Variants in MDH1 observed in about 807,000 individuals in gnomAD.
MDH1 encodes the protein malate dehydrogenase, cytoplasmic.
MDH1 carries 15 observed loss-of-function variants against 38.7 expected under a neutral mutation model. The ratio of observed to expected loss-of-function variants is 0.39; its 90% CI spans 0.26 to 0.60. The LOEUF (loss-of-function observed/expected upper bound fraction) is 0.60, where lower values mean the gene tolerates loss of function less well. MDH1 is among the 20% of genes least tolerant of loss of function. The pLI, the probability that MDH1 is intolerant of heterozygous loss-of-function variation, is 0.56. For synonymous variants in MDH1, 144 were observed against 143.6 expected, an observed-to-expected ratio of 1.00 and a Z score of -0.02; for missense variants, 368 against 405.2, an observed-to-expected ratio of 0.91 and a Z score of 0.79.
chr2:63,592,538 G>T (rs1044584260), intron 1 of MDH1, among the ~76,000 whole-genome samples: 1 of 152,080 alleles, frequency 6.6e-6, no homozygotes, highest in Non-Finnish European at 1.5e-5. Context: ...AAGAGACAGG[G>T]TTTCACTATG....
chr2:63,596,755 T>G (rs1709320287), intron 3 of MDH1, among the ~76,000 whole-genome samples: 1 of 152,194 alleles, frequency 6.6e-6, no homozygotes, highest in Non-Finnish European at 1.5e-5. Flanking sequence ...TGCGATGACT[T>G]ATGTTCTTTA....
At chr2:63,598,893 T>G (rs1314182223) in intron 4 of MDH1, among the ~76,000 whole-genome samples, 1 of 127,480 alleles carries the variant, frequency 7.8e-6, no homozygotes, top group Non-Finnish European at 1.6e-5. Context: ...TCAAAAGAGG[T>G]ACCAAAAAAA....
chr2:63,604,850 G>A lies in MDH1; in HGVS notation c.653G>A (p.Trp218Ter). The A allele has an allele frequency of 6.2e-7, 1 of 1,614,132 alleles. No individual in the cohort carries two copies. The highest frequency in any genetic ancestry group is 8.5e-7 in the Non-Finnish European group (1 of 1,180,032). The part of the protein sequence containing the change: ...GVYEALKDDS[W>*]LKGEFVTTVQ... The stretch of plus-strand genomic sequence containing the variant: ...TATGAAGCTCTGAAAGATGACAGCT[G>A]GCTCAAGGGAGAATTTGTCACGGTA... The change falls in exon 6 of 9, where the codon TGG becomes TAG. Residue 218 changes from tryptophan to a stop codon, truncating the protein, a stop_gained. Transcript: ENST00000233114. LOFTEE classifies it high-confidence loss of function.
chr2:63,595,626 A>G, intron 3 of MDH1, 107 bp downstream of exon 3: 1 of 692,172 alleles, frequency 1.4e-6, no homozygotes, highest in East Asian at 2.7e-5. Context: ...TCATAAGAGG[A>G]TTTTTTTATT....
At chr2:63,590,208 C>G (rs897697273) in intron 1 of MDH1, 5 of 152,242 alleles carry the variant, frequency 3.3e-5, no homozygotes, top group African/African-American at 1.2e-4. Flanking sequence ...ATCTGATAAC[C>G]TTGGACTTTT....
rs1308844673 is a variant in MDH1, at chr2:63,599,257, T to C, written c.463T>C (p.Leu155=). The change falls in exon 5 of 9, where the codon TTG becomes CTG. Residue 155 remains leucine, a synonymous_variant. Transcript: ENST00000233114. The stretch of plus-strand genomic sequence containing the variant: ...CATCCCCAAGGAGAACTTCAGTTGC[T>C]TGACTCGTTTGGATCACAACCGAGC... The part of the protein sequence containing the change: ...PSIPKENFSC[L]TRLDHNRAKA... 1 of 1,613,700 alleles carries C rather than the reference T, an allele frequency of 6.2e-7. No homozygotes were observed. Among genetic ancestry groups the C allele is most frequent in the East Asian group, 2.2e-5 (1 of 44,854 alleles).
intron 1 of MDH1, chr2:63,589,265 C>CTG (rs1709097546): frequency 6.4e-7 from 1 of 1,551,438 alleles, no homozygotes; most frequent in South Asian, 1.2e-5. Context: ...TAGGAGGACT[C>CTG]TGGAGAAGTA....
chr2:63,590,657 T>C (rs992521413), intron 1 of MDH1: 2 of 152,192 alleles, frequency 1.3e-5, no homozygotes, highest in African/African-American at 4.8e-5. Flanking sequence ...GGTCAGATAA[T>C]TTTCCCAAGG....
chr2:63,606,682 G>T (rs1320456423), intron 8 of MDH1, among the ~76,000 whole-genome samples, 180 bp from the exon 9 acceptor site: 1 of 151,614 alleles, frequency 6.6e-6, no homozygotes, highest in Non-Finnish European at 1.5e-5. Flanking sequence ...GATTCAAGGG[G>T]TTTAAAATTC....
At chr2:63,602,303 T>G (rs1709433814) in intron 5 of MDH1, among the ~76,000 whole-genome samples, 1 of 151,376 alleles carries the variant, frequency 6.6e-6, no homozygotes, top group Admixed American at 6.6e-5. Flanking sequence ...TTTTAGGTAA[T>G]GGCCTTTTTT....
In MDH1 at chr2:63,606,926, T is replaced by G. The variant is rs770271137; in HGVS notation, c.944T>G (p.Leu315Arg). 11 of 1,613,062 alleles carry G rather than the reference T, an allele frequency of 6.8e-6. No homozygotes were observed. The highest frequency in any genetic ancestry group is 9.3e-6 in the Non-Finnish European group (11 of 1,179,278). Residue 315 changes from leucine (L) to arginine (R), a missense_variant, in exon 9 of 9, where the codon CTT (leucine) becomes CGT (arginine). Leu to Arg is a moderately radical substitution (Grantham distance 102). Coordinates refer to ENST00000233114, the MANE Select transcript of MDH1 (RefSeq NM_005917.4). Reference sequence around the variant, plus strand: ...GATTTCTCACGTGAGAAGATGGATCTTACTGCAAAGGAACTGACAGAAGAA... The same window carrying G: ...GATTTCTCACGTGAGAAGATGGATCGTACTGCAAAGGAACTGACAGAAGAA... The part of the protein sequence containing the change: ...INDFSREKMD[L>R]TAKELTEEKE...
At chr2:63,594,649 T>C in intron 2 of MDH1, 63 bp downstream of exon 2, 2 of 1,155,434 alleles carry the variant, frequency 1.7e-6, no homozygotes, top group Non-Finnish European at 2.6e-6. Flanking sequence ...TAAAAATCTG[T>C]ATTTAGTTGT....
chr2:63,589,586 C>T (rs1709117922), intron 1 of MDH1, among the ~76,000 whole-genome samples: 1 of 152,152 alleles, frequency 6.6e-6, no homozygotes, highest in African/African-American at 2.4e-5. Flanking sequence ...ATTTGGAACC[C>T]GTTCATTGAC....
intron 1 of MDH1, 151 bp downstream of exon 1, chr2:63,589,197 G>A: frequency 6.3e-7 from 1 of 1,594,964 alleles, no homozygotes. Flanking sequence ...GGGGATTGCC[G>A]CAGTGACCCA....
At position 63,589,030 on chromosome 2, in the gene MDH1, C is replaced by A; in HGVS notation, c.-14C>A. ...ATTTTGCAGTTGTTGAAATTGTCCC[C>A]GCAGTTTTCAATCATGGTGAGTGTG... is the stretch of plus-strand genomic sequence containing the variant. On this transcript the variant is annotated 5_prime_UTR_variant, in exon 1 of 9. Transcript: ENST00000233114. 1 of 1,614,216 alleles carries A rather than the reference C, an allele frequency of 6.2e-7. No individual in the cohort carries two copies. Among genetic ancestry groups the A allele is most frequent in the South Asian group, 1.1e-5 (1 of 91,078 alleles).
At chr2:63,605,755 C>T (rs1282476242) in intron 7 of MDH1, 184 bp from the exon 8 acceptor site, 4 of 616,370 alleles carry the variant, frequency 6.5e-6, no homozygotes, top group South Asian at 2.0e-5. Flanking sequence ...GATATGGAAG[C>T]GTGGAATGAA....
rs1709546754 is a variant in MDH1 at position 63,607,024 on chromosome 2, G to C, written c.*37G>C. 6.3e-7 allele frequency: 1 copy of C among 1,576,214 alleles called. No individual in the cohort carries two copies. The highest frequency in any genetic ancestry group is 2.3e-5 in the East Asian group (1 of 43,964). On this transcript the variant is annotated 3_prime_UTR_variant, in exon 9 of 9. Transcript: ENST00000233114. ...TGTTACTAAATGCTTCAAAGCTGAA[G>C]AATCTAAATGTCGTCTTTGACTCAA...
chr2:63,589,225 AT>A, intron 1 of MDH1, 179 bp downstream of exon 1: 1 of 1,566,256 alleles, frequency 6.4e-7, no homozygotes. Flanking sequence ...GAAGGGATTG[AT>A]TTCCACCTTG....
At chr2:63,591,695 A>G (rs1709204562) in intron 1 of MDH1, among the ~76,000 whole-genome samples, 1 of 152,238 alleles carries the variant, frequency 6.6e-6, no homozygotes, top group Non-Finnish European at 1.5e-5. Flanking sequence ...TTTTGTGGAA[A>G]TGCAAATCCA....
Sources: allele counts gnomAD v4.1 joint callset (sites outside exome capture counted in the v4.1 genomes callset), GRCh38; gene constraint gnomAD v4.1.1; transcripts MANE v1.5; gene names NCBI Gene and HGNC (gene_info 2026-07-23, HGNC 2026-07-21).